CEMIP: variants seen among roughly 807,000 people sequenced by gnomAD.
CEMIP encodes cell migration inducing hyaluronidase 1.
In CEMIP, 105 loss-of-function variants were observed where a neutral mutation model predicts 156.9. That is an observed-to-expected ratio of 0.67 (90% CI 0.57 to 0.79). The LOEUF (loss-of-function observed/expected upper bound fraction) is 0.79, where lower values mean the gene tolerates loss of function less well. Ranked by LOEUF, CEMIP falls within the 30% of genes least tolerant of loss-of-function variation. The probability of loss-of-function intolerance (pLI) is 0.00; values close to 1 mark genes in which losing one functional copy is unlikely to be tolerated. For missense variants in CEMIP, 1,457 were observed against 1,769.4 expected (o/e 0.82, Z 3.17); for synonymous variants, 676 against 668.4 (o/e 1.01, Z -0.17).
Position 80,922,032 on chromosome 15 carries a change from T to A in CEMIP, c.2097T>A (p.Phe699Leu). Residue 699 changes from phenylalanine to leucine, a missense_variant, in exon 17 of 30, where the codon TTT becomes TTA. Phe to Leu is a conservative substitution (Grantham distance 22). Around this residue, in one of 5 missense-constraint regions of CEMIP, gnomAD observed 798 missense variants for 980.1 expected, o/e 0.81. Transcript: ENST00000394685. ...AGGAAACTGGATTTTGGTTTATTTT[T>A]CACCACGTACCAACGGGCCCCTCCG... ...GSEETGFWFI[F>L]HHVPTGPSVG... is the part of the protein sequence containing the mutation. 1 of 1,614,232 alleles carries A rather than the reference T, an allele frequency of 6.2e-7. No homozygotes were observed. The highest frequency in any genetic ancestry group is 8.5e-7 in the Non-Finnish European group (1 of 1,180,026).
In CEMIP at chr15:80,937,987, G is replaced by C. The variant is rs1901197818; in HGVS notation, c.3407+8G>C. ...CTGGGACGAGGACTCAGGGTGAGCAGGCGCCCACTTGGCTGCAGGAAAGTG... is the reference window on the plus strand; with the variant it reads ...CTGGGACGAGGACTCAGGGTGAGCACGCGCCCACTTGGCTGCAGGAAAGTG... On this transcript the variant is annotated splice_region_variant and intron_variant, in intron 25 of 29. Coordinates refer to ENST00000394685, the MANE Select transcript of CEMIP (RefSeq NM_001293298.2). 17 of 1,612,250 alleles carry C rather than the reference G, an allele frequency of 1.1e-5. No individual in the cohort carries two copies. The highest frequency in any genetic ancestry group is 1.4e-5 in the Non-Finnish European group (17 of 1,179,108).
intron 19 of CEMIP, among the ~76,000 whole-genome samples, chr15:80,928,099 C>T (rs889126323): frequency 1.3e-5 from 2 of 152,054 alleles, no homozygotes; most frequent in African/African-American, 2.4e-5. Flanking sequence ...GAGAATGGCA[C>T]TTTGAGATGA....
intron 1 of CEMIP, among the ~76,000 whole-genome samples, chr15:80,840,552 T>G (rs1034712905): frequency 1.3e-5 from 2 of 152,310 alleles, no homozygotes; most frequent in Admixed American, 6.5e-5. Context: ...TGAAATGGCC[T>G]CTCCGGCTCA....
Position 80,878,878 on chromosome 15 carries a change from C to T in CEMIP, c.241+11C>T, listed in dbSNP as rs200512930. 1.7e-5 allele frequency: 27 copies of T among 1,614,140 alleles called. No homozygotes were observed. The East Asian group carries it at 5.6e-4, about 33-fold the overall frequency. ...ACATCTCAGAGGGAGGTAAGCCAAT[C>T]TCTCTCTGCTGCTCCCTCTTCCCTC... On this transcript the variant is annotated intron_variant, in intron 4 of 29. Coordinates refer to ENST00000394685, the MANE Select transcript of CEMIP (RefSeq NM_001293298.2).
intron 1 of CEMIP, among the ~76,000 whole-genome samples, chr15:80,864,493 C>A (rs1208603955): frequency 2.0e-5 from 3 of 152,240 alleles, no homozygotes; most frequent in Non-Finnish European, 4.4e-5. Flanking sequence ...AATGGCGACA[C>A]ACTGACCTTT....
chr15:80,921,059 T>C lies in CEMIP; in HGVS notation c.2031T>C (p.Asn677=). Residue 677 remains asparagine (N), a synonymous_variant, in exon 16 of 30, where the codon AAT becomes AAC. Coordinates refer to ENST00000394685, the MANE Select transcript of CEMIP (RefSeq NM_001293298.2). ...CNAVSTFWMA[N]PNNNLINCAA... is the part of the protein sequence containing the mutation. ...CTGTGTCCACCTTCTGGATGGCCAA[T>C]CCCAACAACAACCTCATCAACTGTG... 6.2e-7 allele frequency: 1 copy of C among 1,614,172 alleles called. No homozygotes were observed. Among genetic ancestry groups the C allele is most frequent in the Non-Finnish European group, 8.5e-7 (1 of 1,180,024 alleles).
chr15:80,797,720 C>G (rs1282404376), intron 1 of CEMIP, among the ~76,000 whole-genome samples: 3 of 152,194 alleles, frequency 2.0e-5, no homozygotes, highest in Middle Eastern at 3.2e-3. Context: ...AGCTTGGGTA[C>G]TTAGGTGCCC....
intron 1 of CEMIP, among the ~76,000 whole-genome samples, chr15:80,782,621 G>A (rs1293616028): frequency 6.6e-6 from 1 of 152,030 alleles, no homozygotes; most frequent in East Asian, 1.9e-4. Flanking sequence ...GTGTGTGTGT[G>A]TGCGTGCATG....
chr15:80,849,971 G>A (rs1897673508), intron 1 of CEMIP, among the ~76,000 whole-genome samples: 1 of 152,228 alleles, frequency 6.6e-6, no homozygotes. Flanking sequence ...AAGCCATCAA[G>A]AGTTTGTAAG....
chr15:80,873,401 T>A (rs1234790458), intron 1 of CEMIP, 137 bp from the exon 2 acceptor site: 2 of 219,422 alleles, frequency 9.1e-6, no homozygotes, highest in Non-Finnish European at 1.8e-5. Flanking sequence ...GTCCACACCC[T>A]CATTTTAAAG....
intron 1 of CEMIP, among the ~76,000 whole-genome samples, chr15:80,825,796 A>T (rs1224505395): frequency 6.6e-6 from 1 of 152,102 alleles, no homozygotes; most frequent in Non-Finnish European, 1.5e-5. Context: ...GGCTTTAAGA[A>T]TGCTCCCCTT....
intron 1 of CEMIP, among the ~76,000 whole-genome samples, chr15:80,812,866 T>C (rs1385251982): frequency 6.6e-6 from 1 of 152,226 alleles, no homozygotes; most frequent in African/African-American, 2.4e-5. Flanking sequence ...ACATGTACTT[T>C]AGCTTGAAAG....
chr15:80,867,260 A>C (rs972572790), intron 1 of CEMIP, among the ~76,000 whole-genome samples: 2 of 152,186 alleles, frequency 1.3e-5, no homozygotes, highest in Non-Finnish European at 2.9e-5. Context: ...ACTGATAGGC[A>C]TAAGAAAGTG....
At chr15:80,785,805 C>T (rs1409139629) in intron 1 of CEMIP, among the ~76,000 whole-genome samples, 1 of 152,236 alleles carries the variant, frequency 6.6e-6, no homozygotes, top group East Asian at 1.9e-4. Context: ...TCTTACCTGC[C>T]TCAGATGCAT....
rs79639213 is a variant in CEMIP at position 80,931,790 on chromosome 15, G to T, written c.2613-69G>T. The T allele has an allele frequency of 2.4e-3, 3,678 of 1,514,058 alleles. 91 individuals carry two copies. The African/African-American group carries it at 0.042, about 17-fold the overall frequency. 93.8% of individuals were successfully genotyped at this position (1,514,058 alleles called of 1,614,324 possible). On this transcript the variant is annotated intron_variant, in intron 21 of 29. Transcript: ENST00000394685. ...GGGCAAACATGGCGTTTAGACTGAC[G>T]TCTTACTTCCTTAACTCCATAGGAA...
intron 6 of CEMIP, among the ~76,000 whole-genome samples, chr15:80,883,709 C>A (rs1898739376): frequency 2.0e-5 from 3 of 152,164 alleles, no homozygotes; most frequent in African/African-American, 7.2e-5. Flanking sequence ...GGATAGTCTC[C>A]ATGTCATTTC....
intron 12 of CEMIP, among the ~76,000 whole-genome samples, chr15:80,898,166 G>A (rs1421855690): frequency 6.6e-6 from 1 of 152,168 alleles, no homozygotes; most frequent in Non-Finnish European, 1.5e-5. Context: ...GTTTGGCAGA[G>A]GCAGAATAGA....
chr15:80,801,488 C>T (rs1311483429), intron 1 of CEMIP, among the ~76,000 whole-genome samples: 1 of 152,224 alleles, frequency 6.6e-6, no homozygotes, highest in Non-Finnish European at 1.5e-5. Flanking sequence ...CATGCATGGC[C>T]TCTGGAGGCC....
chr15:80,780,486 A>G (rs1428460555), intron 1 of CEMIP, among the ~76,000 whole-genome samples: 1 of 151,796 alleles, frequency 6.6e-6, no homozygotes, highest in Non-Finnish European at 1.5e-5. Context: ...AGCCGCAGAC[A>G]CTCTCTGCGA....
Sources: gnomAD v4.1 joint callset for allele counts (sites outside exome capture counted in the v4.1 genomes callset) on GRCh38, gnomAD v4.1.1 for gene constraint, gnomAD v4.1.1 regional missense constraint, MANE v1.5 for transcripts, NCBI Gene and HGNC (gene_info 2026-07-23, HGNC 2026-07-21) for gene names.